SRPK2: variants seen among roughly 807,000 people sequenced by gnomAD.
SRPK2 encodes SRSF protein kinase 2.
In SRPK2, 21 loss-of-function variants were observed where a neutral mutation model predicts 90.8. That is an observed-to-expected ratio of 0.23 (90% CI 0.16 to 0.33). SRPK2 has a LOEUF of 0.33. Ranked by LOEUF, SRPK2 falls within the 10% of genes least tolerant of loss-of-function variation. The pLI, the probability that SRPK2 is intolerant of heterozygous loss-of-function variation, is 1.00. For synonymous variants in SRPK2, 288 were observed against 311.1 expected (o/e 0.93, Z 0.78); for missense variants, 620 against 869.0 (o/e 0.71, Z 3.60).
At chr7:105,372,162 A>T (rs1819776792) in intron 2 of SRPK2, among the ~76,000 whole-genome samples, 1 of 140,878 alleles carries the variant, frequency 7.1e-6, no homozygotes, top group South Asian at 2.3e-4. Context: ...AAAAAAAAAA[A>T]GTTCTCTAGA....
chr7:105,194,317 T>G (rs903100325), intron 3 of SRPK2, among the ~76,000 whole-genome samples: 2 of 152,162 alleles, frequency 1.3e-5, no homozygotes, highest in African/African-American at 2.4e-5. Flanking sequence ...AAGGGAGATG[T>G]CTATTCTTAC....
At chr7:105,371,633 G>T (rs1333169635) in intron 2 of SRPK2, among the ~76,000 whole-genome samples, 1 of 150,040 alleles carries the variant, frequency 6.7e-6, no homozygotes, top group Non-Finnish European at 1.5e-5. Context: ...GGTAGTGCAT[G>T]CCTGTAGTCC....
At chr7:105,277,405 T>C (rs1806669038) in intron 2 of SRPK2, among the ~76,000 whole-genome samples, 1 of 152,202 alleles carries the variant, frequency 6.6e-6, no homozygotes, top group African/African-American at 2.4e-5. Flanking sequence ...GACTTCTCGC[T>C]GAAATGCAAA....
At chr7:105,179,752 G>A (rs1350032874) in intron 3 of SRPK2, among the ~76,000 whole-genome samples, 1 of 148,526 alleles carries the variant, frequency 6.7e-6, no homozygotes, top group Admixed American at 6.7e-5. Context: ...TTGAACCCAG[G>A]AGGCAGAGGT....
chr7:105,222,921 T>C (rs1269811238), intron 2 of SRPK2, among the ~76,000 whole-genome samples: 2 of 152,232 alleles, frequency 1.3e-5, no homozygotes, highest in East Asian at 3.8e-4. Context: ...GTGGTAAGAA[T>C]CAGGCATTAT....
chr7:105,343,304 C>T (rs753022301), intron 2 of SRPK2, among the ~76,000 whole-genome samples: 2 of 152,062 alleles, frequency 1.3e-5, no homozygotes, highest in Non-Finnish European at 2.9e-5. Flanking sequence ...TATGATGGCA[C>T]GTGCCTGTAG....
At chr7:105,204,090 C>T (rs549877462) in intron 2 of SRPK2, among the ~76,000 whole-genome samples, 2 of 152,096 alleles carry the variant, frequency 1.3e-5, no homozygotes, top group Non-Finnish European at 1.5e-5. Context: ...CAACTCCTAC[C>T]AATTCTGGGA....
chr7:105,288,251 C>T (rs762748276), intron 2 of SRPK2, among the ~76,000 whole-genome samples: 1 of 152,226 alleles, frequency 6.6e-6, no homozygotes, highest in Admixed American at 6.5e-5. Context: ...TACAACATAA[C>T]AAAATTGCTA....
At position 105,170,006 on chromosome 7, in the gene SRPK2, G is replaced by C. The variant is rs904029213; in HGVS notation, c.230-741C>G. On this transcript the variant is annotated intron_variant, in intron 3 of 15. Transcript: ENST00000393651. ...AATTTTTGTATTTTTTGTAGGGACAGGGTTTCACCACATTACCCAGGTTGG... is the reference window on the plus strand; with the variant it reads ...AATTTTTGTATTTTTTGTAGGGACACGGTTTCACCACATTACCCAGGTTGG... Among the ~76,000 whole-genome samples the C allele has an allele frequency of 5.9e-5, 9 of 152,184 alleles. No individual in the cohort carries two copies. The East Asian group carries it at 1.4e-3, about 23-fold the overall frequency.
In SRPK2 at chr7:105,372,088, T is replaced by C. The variant is rs554089993; in HGVS notation, c.71+16560A>G. On this transcript the variant is annotated intron_variant, in intron 2 of 15. Coordinates refer to ENST00000393651, the MANE Select transcript of SRPK2 (RefSeq NM_182692.3). ...AGGCGGAGGCCGCAGTGAGCCGAGA[T>C]AGCGCCACTGCACTCCAGCCTGGGT... Among the ~76,000 whole-genome samples, 176 of 130,330 alleles carry C rather than the reference T, an allele frequency of 1.4e-3. 2 individuals are homozygous for C. In the South Asian group the frequency reaches 0.023, roughly 17 times the overall value. The allele number at this position is 130,330 out of a possible 152,430, so 85.5% of individuals were successfully genotyped here.
chr7:105,167,420 G>A lies in SRPK2; in HGVS notation c.471C>T (p.Val157=). The A allele has an allele frequency of 1.2e-6, 2 of 1,613,772 alleles. No homozygotes were observed. The highest frequency in any genetic ancestry group is 1.7e-6 in the Non-Finnish European group (2 of 1,179,786). Residue 157 remains valine, a synonymous_variant, in exon 6 of 16, where the codon GTC becomes GTT. Transcript: ENST00000393651. ...DPSDPNKDMV[V]QLIDDFKISG... ...AAATCTTGAAGTCGTCAATGAGCTG[G>A]ACCACCATGTCTTTGTTTGGGTCAC...
At chr7:105,391,183 A>AATTTATTTATTTATTTATTT (rs67760645), upstream of SRPK2, among the ~76,000 whole-genome samples, 1 of 148,314 alleles carries the variant, frequency 6.7e-6, no homozygotes, top group African/African-American at 2.5e-5. Context: ...ATGACTATAA[A>AATTTATTTATTTATTTATTT]ATTTATTTAT....
chr7:105,126,079 C>A (rs1801160008), intron 15 of SRPK2, among the ~76,000 whole-genome samples, 169 bp downstream of exon 15: 1 of 152,154 alleles, frequency 6.6e-6, no homozygotes, highest in Non-Finnish European at 1.5e-5. Flanking sequence ...GACCGCAGCA[C>A]AGGGCTAAAT....
chr7:105,240,021 A>T (rs868438773), intron 2 of SRPK2, among the ~76,000 whole-genome samples: 1 of 152,140 alleles, frequency 6.6e-6, no homozygotes, highest in Non-Finnish European at 1.5e-5. Context: ...CACAACATAA[A>T]AGGTCTTACT....
Position 105,126,923 on chromosome 7 carries a change from C to T in SRPK2, c.1822+70G>A, listed in dbSNP as rs1317143728. ...ATGGCTCTATTTCAGTACAAAAATA[C>T]AGTACTCTACAGAAGTTCAGGGCTG... On this transcript the variant is annotated intron_variant, in intron 14 of 15. Transcript: ENST00000393651. 5 of 1,438,148 alleles carry T rather than the reference C, an allele frequency of 3.5e-6. No homozygotes were observed. In the South Asian group the frequency reaches 3.5e-5, roughly 10 times the overall value. 89.1% of individuals were successfully genotyped at this position (1,438,148 alleles called of 1,614,324 possible).
intron 2 of SRPK2, among the ~76,000 whole-genome samples, chr7:105,285,154 G>A (rs978829623): frequency 4.6e-5 from 7 of 152,042 alleles, no homozygotes; most frequent in African/African-American, 1.7e-4. Flanking sequence ...GGAAGCCCGA[G>A]GCAGGAGGAT....
At chr7:105,197,020 C>T (rs1795001256) in intron 3 of SRPK2, among the ~76,000 whole-genome samples, 1 of 151,910 alleles carries the variant, frequency 6.6e-6, no homozygotes, top group Non-Finnish European at 1.5e-5. Flanking sequence ...GCACTCCAGC[C>T]TGGGTGACAA....
At chr7:105,132,353 A>G (rs1802131673) in intron 13 of SRPK2, among the ~76,000 whole-genome samples, 1 of 152,252 alleles carries the variant, frequency 6.6e-6, no homozygotes, top group Non-Finnish European at 1.5e-5. Flanking sequence ...TTGACCAGGC[A>G]GAGGCTTACC....
At chr7:105,136,005 T>A (rs1388384792) in intron 11 of SRPK2, among the ~76,000 whole-genome samples, 2 of 152,180 alleles carry the variant, frequency 1.3e-5, no homozygotes, top group Non-Finnish European at 2.9e-5. Flanking sequence ...CATCAAGTGA[T>A]CTGCCCACCT....
Sources: gnomAD v4.1 joint callset for allele counts (sites outside exome capture counted in the v4.1 genomes callset) on GRCh38, gnomAD v4.1.1 for gene constraint, MANE v1.5 for transcripts, NCBI Gene and HGNC (gene_info 2026-07-23, HGNC 2026-07-21) for gene names.